The following PTPRM variants were observed in gnomAD, a reference collection of about 807,000 sequenced individuals.
PTPRM encodes receptor-type tyrosine-protein phosphatase mu.
PTPRM carries 47 observed loss-of-function variants against 186.7 expected under a neutral mutation model. That is an observed-to-expected ratio of 0.25 (90% CI 0.20 to 0.32). The LOEUF (loss-of-function observed/expected upper bound fraction) is 0.32, where lower values mean the gene tolerates loss of function less well. Among genes scored for constraint, PTPRM ranks in the 10% least tolerant of loss-of-function variants. PTPRM has a pLI of 1.00. For missense variants in PTPRM, 1,494 were observed against 1,865.0 expected (o/e 0.80, Z 3.66); for synonymous variants, 668 against 674.9 (o/e 0.99, Z 0.16).
chr18:8,178,337 A>G (rs2093517764), intron 14 of PTPRM, among the ~76,000 whole-genome samples: 1 of 152,064 alleles, frequency 6.6e-6, no homozygotes, highest in African/African-American at 2.4e-5. Context: ...TTGAAACACA[A>G]TTTTTCTCCC....
At chr18:8,055,808 G>A (rs1046782706) in intron 7 of PTPRM, among the ~76,000 whole-genome samples, 3 of 152,182 alleles carry the variant, frequency 2.0e-5, no homozygotes, top group Admixed American at 6.5e-5. Flanking sequence ...AGATGGTACT[G>A]ACTGCAGATA....
chr18:7,904,320 G>A (rs1599403038), intron 3 of PTPRM, among the ~76,000 whole-genome samples: 1 of 152,218 alleles, frequency 6.6e-6, no homozygotes, highest in South Asian at 2.1e-4. Flanking sequence ...TACCTGAATA[G>A]GCTTGTGTAT....
At chr18:7,952,262 G>T (rs530000016) in intron 6 of PTPRM, among the ~76,000 whole-genome samples, 9 of 152,126 alleles carry the variant, frequency 5.9e-5, no homozygotes, top group African/African-American at 2.2e-4. Context: ...GCTTGATTTA[G>T]AATTAGTTTT....
At position 7,982,649 on chromosome 18, in the gene PTPRM, T is replaced by C. The variant is rs76034783; in HGVS notation, c.1132+27235T>C. ...AAGTATTAGGTACTGTACATGATTG[T>C]ATGTGCTTGACTTTTATATGACTGG... is the stretch of plus-strand genomic sequence containing the variant. On this transcript the variant is annotated intron_variant, in intron 7 of 32. Coordinates refer to ENST00000580170, the MANE Select transcript of PTPRM (RefSeq NM_001105244.2). 4.5e-3 allele frequency among the ~76,000 whole-genome samples: 685 copies of C among 152,274 alleles called. 4 individuals are homozygous for C. Among genetic ancestry groups the C allele is most frequent in the African/African-American group, 0.015 (628 of 41,544 alleles).
chr18:8,140,570 C>T (rs1179775274), intron 13 of PTPRM, among the ~76,000 whole-genome samples: 1 of 151,516 alleles, frequency 6.6e-6, no homozygotes, highest in Non-Finnish European at 1.5e-5. Context: ...CCAGCGTTAT[C>T]ACTAGGAGTC....
At chr18:8,038,176 C>T (rs1311388268) in intron 7 of PTPRM, among the ~76,000 whole-genome samples, 1 of 152,066 alleles carries the variant, frequency 6.6e-6, no homozygotes, top group Non-Finnish European at 1.5e-5. Flanking sequence ...CTGGACTGTG[C>T]TCTAACCCTG....
At chr18:7,948,532 C>T (rs1390397330) in intron 5 of PTPRM, among the ~76,000 whole-genome samples, 3 of 152,012 alleles carry the variant, frequency 2.0e-5, no homozygotes, top group Non-Finnish European at 1.5e-5. Context: ...CCAAACTGCC[C>T]CAGCTGTGGA....
chr18:7,919,596 T>TTTTTAAATTTAAA (rs1336372736), intron 4 of PTPRM, among the ~76,000 whole-genome samples: 8 of 152,184 alleles, frequency 5.3e-5, no homozygotes, highest in Non-Finnish European at 1.2e-4. Context: ...TATTTCTACT[T>TTTTTAAATTTAAA]TTTTAAATTT....
chr18:7,686,021 G>A (rs1325661331), intron 1 of PTPRM, among the ~76,000 whole-genome samples: 1 of 152,188 alleles, frequency 6.6e-6, no homozygotes, highest in Admixed American at 6.5e-5. Flanking sequence ...AATAAAGATT[G>A]AGAGAGATAG....
intron 1 of PTPRM, among the ~76,000 whole-genome samples, chr18:7,761,011 C>T (rs964343139): frequency 7.2e-5 from 11 of 152,078 alleles, no homozygotes; most frequent in Admixed American, 1.3e-4. Context: ...ATAATACATG[C>T]TAAAAAGTAA....
intron 7 of PTPRM, among the ~76,000 whole-genome samples, chr18:8,018,717 A>G (rs1223458870): frequency 6.6e-6 from 1 of 152,182 alleles, no homozygotes; most frequent in Non-Finnish European, 1.5e-5. Context: ...TTCAACCTTT[A>G]TATATGAATA....
At chr18:7,811,602 C>G (rs1223855025) in intron 2 of PTPRM, among the ~76,000 whole-genome samples, 4 of 152,046 alleles carry the variant, frequency 2.6e-5, no homozygotes, top group Non-Finnish European at 5.9e-5. Flanking sequence ...CAAGCTCAAG[C>G]ATTTCTCCCA....
At chr18:7,634,601 C>T (rs999201476) in intron 1 of PTPRM, among the ~76,000 whole-genome samples, 1 of 152,250 alleles carries the variant, frequency 6.6e-6, no homozygotes, top group Non-Finnish European at 1.5e-5. Context: ...CTCCTTTCCT[C>T]TGAAATTTGC....
Position 7,761,121 on chromosome 18 carries a change from G to A in PTPRM, c.74-13028G>A, listed in dbSNP as rs114350188. ...AATGTTTTTAGTTCCCTATATTTTA[G>A]CAACTAATTGGTCATGGAAAAGGAT... On this transcript the variant is annotated intron_variant, in intron 1 of 32. Coordinates refer to ENST00000580170, the MANE Select transcript of PTPRM (RefSeq NM_001105244.2). Among the ~76,000 whole-genome samples, 1,296 of 152,274 alleles carry A rather than the reference G, an allele frequency of 8.5e-3. 19 individuals carry two copies. The highest frequency in any genetic ancestry group is 0.026 in the African/African-American group (1,096 of 41,532).
intron 3 of PTPRM, among the ~76,000 whole-genome samples, chr18:7,896,810 G>A (rs1477695520): frequency 1.3e-5 from 2 of 152,174 alleles, no homozygotes; most frequent in African/African-American, 2.4e-5. Flanking sequence ...ACCCTTATCA[G>A]TCTGACATCT....
chr18:8,200,112 C>T (rs2093833500), intron 14 of PTPRM, among the ~76,000 whole-genome samples: 1 of 152,150 alleles, frequency 6.6e-6, no homozygotes, highest in Non-Finnish European at 1.5e-5. Context: ...CCCTGAAACT[C>T]ACCTGATAGC....
chr18:8,307,102 C>G (rs1370324271), intron 20 of PTPRM, among the ~76,000 whole-genome samples: 1 of 152,196 alleles, frequency 6.6e-6, no homozygotes, highest in African/African-American at 2.4e-5. Flanking sequence ...TCTGCAGTTT[C>G]TGTGCCAAGT....
intron 7 of PTPRM, among the ~76,000 whole-genome samples, chr18:7,987,264 T>C (rs115444511): frequency 0.021 from 3,242 of 152,304 alleles, 43 homozygotes; most frequent in African/African-American, 0.044. Flanking sequence ...GTTTAAATAT[T>C]GTTTTAGAAG....
intron 2 of PTPRM, among the ~76,000 whole-genome samples, chr18:7,823,100 C>T: frequency 6.6e-6 from 1 of 151,424 alleles, no homozygotes; most frequent in South Asian, 2.1e-4. Flanking sequence ...AATGTTTCTC[C>T]TATTTGTAGT....
Sources: gnomAD v4.1 joint callset for allele counts (sites outside exome capture counted in the v4.1 genomes callset) on GRCh38, gnomAD v4.1.1 for gene constraint, MANE v1.5 for transcripts, NCBI Gene and HGNC (gene_info 2026-07-23, HGNC 2026-07-21) for gene names.